Variants in ZNF37A observed in about 807,000 individuals in gnomAD.
ZNF37A encodes the protein zinc finger protein 37a (KOX 21).
A neutral mutation model predicts 12.3 loss-of-function variants in ZNF37A; 10 were observed. That is an observed-to-expected ratio of 0.82 (90% CI 0.50 to 1.38). The LOEUF (loss-of-function observed/expected upper bound fraction) is 1.38. Ranked by LOEUF, ZNF37A falls within the 40% of genes most tolerant of loss-of-function variation. The pLI, the probability that ZNF37A is intolerant of heterozygous loss-of-function variation, is 0.00. For missense variants in ZNF37A, 580 were observed against 651.2 expected, an observed-to-expected ratio of 0.89 and a Z score of 1.19; for synonymous variants, 207 against 223.0, an observed-to-expected ratio of 0.93 and a Z score of 0.64.
In ZNF37A at chr10:38,123,260, T is replaced by C. The variant is rs1312759588; in HGVS notation, c.*4423T>C. 6.6e-6 allele frequency: 1 copy of C among 152,184 alleles called. No individual in the cohort carries two copies. Among genetic ancestry groups the C allele is most frequent in the Non-Finnish European group, 1.5e-5 (1 of 68,038 alleles). The allele number at this position is 152,184 out of a possible 1,614,324, so 9.4% of individuals were successfully genotyped here. A position where few individuals can be genotyped will look rare whatever the true frequency, so the allele number is the denominator to read the frequency against. Reference sequence around the variant, plus strand: ...CACATTTCATACCTGTATTAAAATATCTCATGTACCCCATAAACATATACA... The same window carrying C: ...CACATTTCATACCTGTATTAAAATACCTCATGTACCCCATAAACATATACA... On this transcript the variant is annotated 3_prime_UTR_variant, in exon 8 of 8. Transcript: ENST00000685332.
At chr10:38,107,988 C>T (rs1199961018) in intron 5 of ZNF37A, among the ~76,000 whole-genome samples, 1 of 152,114 alleles carries the variant, frequency 6.6e-6, no homozygotes, top group Non-Finnish European at 1.5e-5. Context: ...TAACTCAGCT[C>T]TGGACCAAGC....
chr10:38,107,190 G>A (rs572360655), intron 5 of ZNF37A, among the ~76,000 whole-genome samples: 30 of 152,216 alleles, frequency 2.0e-4, no homozygotes, highest in African/African-American at 7.0e-4. Flanking sequence ...AGAGAGTGGG[G>A]GCCAATATTC....
In ZNF37A at chr10:38,114,857, A is replaced by G; in HGVS notation, c.118A>G (p.Asn40Asp). The G allele has an allele frequency of 2.5e-6, 4 of 1,613,090 alleles. No individual in the cohort carries two copies. The highest frequency in any genetic ancestry group is 3.4e-6 in the Non-Finnish European group (4 of 1,179,686). ...CCTGTACAGGGATGTGATGCTGGAGAACTACAGCCACCTTGTCTCAGTAGG... is the reference window on the plus strand; with the variant it reads ...CCTGTACAGGGATGTGATGCTGGAGGACTACAGCCACCTTGTCTCAGTAGG... Reference protein sequence around the residue: ...RTLYRDVMLENYSHLVSVGYC... With the variant: ...RTLYRDVMLEDYSHLVSVGYC... Residue 40 changes from asparagine (N) to aspartate (D), a missense_variant, in exon 6 of 8, where the codon AAC (asparagine) becomes GAC (aspartate). By Grantham distance (23) the Asn-to-Asp change is conservative. Coordinates refer to ENST00000685332, the MANE Select transcript of ZNF37A (RefSeq NM_001324250.3).
At chr10:38,134,709 G>T (rs1032037186) in intron 7 of ZNF37A, among the ~76,000 whole-genome samples, 1 of 152,198 alleles carries the variant, frequency 6.6e-6, no homozygotes, top group Non-Finnish European at 1.5e-5. Context: ...CCCCTACTGG[G>T]AGGTGCCTCC....
chr10:38,147,648 G>A (rs1040311834), exon 8 of ZNF37A: 2 of 151,966 alleles, frequency 1.3e-5, no homozygotes, highest in African/African-American at 4.8e-5. Context: ...ACACATCTCT[G>A]ATACAAGAAA....
downstream of ZNF37A, among the ~76,000 whole-genome samples, chr10:38,128,630 A>G (rs2069962487): frequency 2.0e-5 from 3 of 152,176 alleles, no homozygotes; most frequent in South Asian, 4.1e-4. Context: ...TCTTCTTTCT[A>G]AAGATTTACA....
chr10:38,102,581 C>T (rs2067686360), intron 5 of ZNF37A, among the ~76,000 whole-genome samples: 1 of 152,124 alleles, frequency 6.6e-6, no homozygotes, highest in Admixed American at 6.5e-5. Flanking sequence ...AAAGAGAGAA[C>T]ATAAAAGCCA....
chr10:38,115,463 C>T, intron 7 of ZNF37A, 173 bp downstream of exon 7: 2 of 809,846 alleles, frequency 2.5e-6, no homozygotes, highest in Non-Finnish European at 3.7e-6. Context: ...CACCCAGCAT[C>T]TCCCAGTATC....
rs2068680910 is a variant in ZNF37A, at chr10:38,111,824, G to C, written c.16-2931G>C. On this transcript the variant is annotated intron_variant, in intron 5 of 7. Transcript: ENST00000685332. ...TCATTATTGACAGGCATGTTTGCCA[G>C]GCGTAGAATTCTCAGCTACAGCTTT... Among the ~76,000 whole-genome samples the C allele has an allele frequency of 2.0e-5, 3 of 152,050 alleles. 1 individual carries two copies. The South Asian group carries it at 6.2e-4, about 31-fold the overall frequency.
rs1386553914 is a variant in ZNF37A, at chr10:38,121,968, T to C, written c.*3131T>C. 6.6e-6 allele frequency: 1 copy of C among 152,208 alleles called. No individual in the cohort carries two copies. Among genetic ancestry groups the C allele is most frequent in the African/African-American group, 2.4e-5 (1 of 41,432 alleles). The allele number at this position is 152,208 out of a possible 1,614,324, so 9.4% of individuals were successfully genotyped here. ...AAGAAAATACTCTGGCTGGTCTCAGTGGCTCATGTCTGTAATTCTAGCATG... is the reference window on the plus strand; with the variant it reads ...AAGAAAATACTCTGGCTGGTCTCAGCGGCTCATGTCTGTAATTCTAGCATG... On this transcript the variant is annotated 3_prime_UTR_variant, in exon 8 of 8. Transcript: ENST00000685332.
rs545261135 is a variant in ZNF37A at position 38,112,730 on chromosome 10, ATTTTCTTTTCTTTTCTTTTCTTTTC to A, written c.16-1982_16-1958del. ...TTGTACAATTCTGTATTTTACATCC[ATTTTCTTTTCTTTTCTTTTCTTTTC>A]TTTTCTTTTCTTTTCTTTTCTTTTC... On this transcript the variant is annotated intron_variant, in intron 5 of 7. Transcript: ENST00000685332. 1.5e-3 allele frequency among the ~76,000 whole-genome samples: 120 copies of A among 77,500 alleles called. 5 individuals carry two copies. The highest frequency in any genetic ancestry group is 3.0e-3 in the African/African-American group (58 of 19,292). 50.8% of individuals were successfully genotyped at this position (77,500 alleles called of 152,430 possible).
At chr10:38,112,076 A>G (rs1278113318) in intron 5 of ZNF37A, among the ~76,000 whole-genome samples, 2 of 151,226 alleles carry the variant, frequency 1.3e-5, no homozygotes, top group Non-Finnish European at 1.5e-5. Flanking sequence ...GCTTGTGTTC[A>G]GGTACTGTTT....
downstream of ZNF37A, chr10:38,125,440 T>C (rs2069910972): frequency 6.6e-6 from 1 of 152,200 alleles, no homozygotes; most frequent in Admixed American, 6.5e-5. Context: ...ATGCTAATTT[T>C]TTAAATGTCC....
At chr10:38,107,613 C>A (rs1292652771) in intron 5 of ZNF37A, among the ~76,000 whole-genome samples, 1 of 152,168 alleles carries the variant, frequency 6.6e-6, no homozygotes, top group Non-Finnish European at 1.5e-5. Flanking sequence ...GGAGACCCAT[C>A]TCATGTGCAA....
chr10:38,136,634 G>A (rs1409943474), intron 7 of ZNF37A, among the ~76,000 whole-genome samples: 1 of 152,118 alleles, frequency 6.6e-6, no homozygotes, highest in Non-Finnish European at 1.5e-5. Flanking sequence ...GAGTATTATT[G>A]AGTTTATCCT....
intron 4 of ZNF37A, among the ~76,000 whole-genome samples, chr10:38,096,172 C>A (rs2067140968): frequency 6.6e-6 from 1 of 152,016 alleles, no homozygotes; most frequent in Non-Finnish European, 1.5e-5. Flanking sequence ...CTCAAAAAAG[C>A]AAACAAACAA....
exon 8 of ZNF37A, chr10:38,148,431 G>A (rs556883021): frequency 2.6e-5 from 4 of 152,332 alleles, no homozygotes; most frequent in South Asian, 2.1e-4. Context: ...GTACACAGAC[G>A]AGGGCTGGTG....
At position 38,121,863 on chromosome 10, in the gene ZNF37A, AAAG is replaced by A. The variant is rs2069717805; in HGVS notation, c.*3027_*3029del. On this transcript the variant is annotated 3_prime_UTR_variant, in exon 8 of 8. Transcript: ENST00000685332. ...TTAGTTCCTAAATACTATCCACAAA[AAAG>A]GGGAACAGGGATGATTCCTAGTCAG... The A allele has an allele frequency of 6.6e-6, 1 of 152,188 alleles. No individual in the cohort carries two copies. The highest frequency in any genetic ancestry group is 1.5e-5 in the Non-Finnish European group (1 of 68,028). The allele number at this position is 152,188 out of a possible 1,614,324, so 9.4% of individuals were successfully genotyped here.
downstream of ZNF37A, among the ~76,000 whole-genome samples, chr10:38,125,806 AAG>A (rs745373283): frequency 1.3e-5 from 2 of 152,160 alleles, no homozygotes; most frequent in Non-Finnish European, 2.9e-5. Flanking sequence ...ATATAAAGGA[AAG>A]AGCTTATAAA....
Sources: allele counts gnomAD v4.1 joint callset (sites outside exome capture counted in the v4.1 genomes callset), GRCh38; gene constraint gnomAD v4.1.1; transcripts MANE v1.5; gene names NCBI Gene and HGNC (gene_info 2026-07-23, HGNC 2026-07-21).